Variants in COL25A1 observed in about 807,000 individuals in gnomAD.
The protein encoded by COL25A1 is collagen alpha-1(XXV) chain.
COL25A1 carries 103 observed loss-of-function variants against 128.4 expected under a neutral mutation model. That is an observed-to-expected ratio of 0.80 (90% CI 0.68 to 0.94). The LOEUF is 0.94. Ranked by LOEUF, COL25A1 falls within the 40% of genes least tolerant of loss-of-function variation. The pLI is 0.00. For missense variants in COL25A1, 745 were observed against 840.0 expected (o/e 0.89, Z 1.40); for synonymous variants, 279 against 277.2 (o/e 1.01, Z -0.06).
At chr4:109,273,393 A>G (rs779696369) in intron 3 of COL25A1, among the ~76,000 whole-genome samples, 1 of 152,218 alleles carries the variant, frequency 6.6e-6, no homozygotes, top group Non-Finnish European at 1.5e-5. Context: ...AGTGCCATGC[A>G]GAGTCTTATA....
chr4:108,819,917 A>T (rs1292398531), intron 35 of COL25A1: 1 of 1,155,974 alleles, frequency 8.7e-7, no homozygotes, highest in Non-Finnish European at 1.1e-6. Context: ...ACAAGGGTTT[A>T]AATAAAAGAC....
chr4:109,082,976 T>C (rs1176496120), intron 3 of COL25A1, among the ~76,000 whole-genome samples: 2 of 152,162 alleles, frequency 1.3e-5, no homozygotes, highest in Non-Finnish European at 1.5e-5. Context: ...AGAAATATAA[T>C]ATGATGAGAG....
intron 3 of COL25A1, among the ~76,000 whole-genome samples, chr4:109,153,534 G>A (rs1372818658): frequency 2.6e-5 from 4 of 152,006 alleles, no homozygotes; most frequent in African/African-American, 7.3e-5. Flanking sequence ...TAATGCTGAC[G>A]CCTCCAAAGA....
intron 3 of COL25A1, among the ~76,000 whole-genome samples, chr4:109,255,548 C>T (rs1399995828): frequency 6.6e-6 from 1 of 152,120 alleles, no homozygotes; most frequent in Admixed American, 6.6e-5. Context: ...ATGGAAACCC[C>T]TTCCCTCCTC....
chr4:109,058,163 T>C (rs1761619428), intron 3 of COL25A1, among the ~76,000 whole-genome samples: 1 of 152,338 alleles, frequency 6.6e-6, no homozygotes, highest in Middle Eastern at 3.4e-3. Flanking sequence ...TAATGAGGTC[T>C]GATGTGGCAC....
At chr4:108,910,296 A>G (rs1254188782) in intron 13 of COL25A1, among the ~76,000 whole-genome samples, 2 of 152,168 alleles carry the variant, frequency 1.3e-5, no homozygotes, top group East Asian at 1.9e-4. Flanking sequence ...GAAAAATTCT[A>G]AAGGTCAATG....
chr4:109,268,628 A>G lies in COL25A1; in HGVS notation c.367+31955T>C, dbSNP rs538684474. ...AGACACGTGCAAATTTAAAACTATC[A>G]TTTATGAAAAAGATTACATGTCAAT... On this transcript the variant is annotated intron_variant, in intron 3 of 37. Transcript: ENST00000399132. Among the ~76,000 whole-genome samples, 6 of 152,340 alleles carry G rather than the reference A, an allele frequency of 3.9e-5. No homozygotes were observed. In the South Asian group the frequency reaches 1.2e-3, roughly 32 times the overall value.
chr4:108,939,698 TTAAA>T (rs1487250798), intron 10 of COL25A1, among the ~76,000 whole-genome samples: 2 of 152,198 alleles, frequency 1.3e-5, no homozygotes, highest in Non-Finnish European at 2.9e-5. Flanking sequence ...AAATAATTTG[TTAAA>T]TAAATACATT....
chr4:108,841,230 C>T (rs2125749738), intron 31 of COL25A1, among the ~76,000 whole-genome samples: 1 of 152,180 alleles, frequency 6.6e-6, no homozygotes, highest in Admixed American at 6.5e-5. Flanking sequence ...AATACCCCAC[C>T]CACTTCTAGA....
intron 3 of COL25A1, among the ~76,000 whole-genome samples, chr4:109,074,017 A>G (rs1207010351): frequency 6.6e-6 from 1 of 152,236 alleles, no homozygotes; most frequent in Non-Finnish European, 1.5e-5. Context: ...TTCGTGGAAG[A>G]CAATTTTTTG....
intron 3 of COL25A1, among the ~76,000 whole-genome samples, chr4:109,111,064 A>C (rs1766956754): frequency 6.6e-6 from 1 of 152,164 alleles, no homozygotes; most frequent in Non-Finnish European, 1.5e-5. Flanking sequence ...AGGCCCTTCA[A>C]AATCTTTCTC....
At position 108,809,120 on chromosome 4, in the gene COL25A1, T is replaced by C. The variant is rs1481137856; in HGVS notation, c.*4807A>G. The C allele has an allele frequency of 6.6e-6, 1 of 152,178 alleles. No individual in the cohort carries two copies. Among genetic ancestry groups the C allele is most frequent in the East Asian group, 1.9e-4 (1 of 5,198 alleles). The allele number at this position is 152,178 out of a possible 1,614,324, so 9.4% of individuals were successfully genotyped here. A position where few individuals can be genotyped will look rare whatever the true frequency, so the allele number is the denominator to read the frequency against. Reference sequence around the variant, plus strand: ...GATAAGACACAACACATTCTTAGAATAATCAATTGTATGAGACTGGCCCAC... The same window carrying C: ...GATAAGACACAACACATTCTTAGAACAATCAATTGTATGAGACTGGCCCAC... On this transcript the variant is annotated 3_prime_UTR_variant, in exon 38 of 38. Coordinates refer to ENST00000399132, the MANE Select transcript of COL25A1 (RefSeq NM_198721.4).
chr4:108,864,350 C>T (rs546655460), intron 20 of COL25A1, among the ~76,000 whole-genome samples: 2 of 152,282 alleles, frequency 1.3e-5, no homozygotes, highest in East Asian at 1.9e-4. Flanking sequence ...GCTCTGTAAT[C>T]TAGCATCTTA....
chr4:109,068,593 C>T (rs1328409090), intron 3 of COL25A1, among the ~76,000 whole-genome samples: 6 of 152,086 alleles, frequency 3.9e-5, no homozygotes, highest in African/African-American at 1.4e-4. Context: ...TAGTTTAAAA[C>T]ATAAAACCAG....
chr4:108,825,045 G>A (rs1199403592), intron 34 of COL25A1, 151 bp downstream of exon 34: 6 of 542,656 alleles, frequency 1.1e-5, no homozygotes, highest in East Asian at 3.0e-5. Context: ...AAACACTAGT[G>A]TATTTTATAT....
intron 5 of COL25A1, among the ~76,000 whole-genome samples, chr4:109,034,028 G>C (rs1759111184): frequency 6.6e-6 from 1 of 152,148 alleles, no homozygotes; most frequent in Non-Finnish European, 1.5e-5. Flanking sequence ...AGTAATTAAA[G>C]AGTAATATTA....
At chr4:108,844,341 G>T (rs774389079) in intron 30 of COL25A1, among the ~76,000 whole-genome samples, 178 bp downstream of exon 30, 4 of 152,184 alleles carry the variant, frequency 2.6e-5, no homozygotes, top group African/African-American at 9.7e-5. Context: ...ATATGTGTTT[G>T]GGAGAGTGAA....
intron 5 of COL25A1, chr4:109,021,880 T>C (rs1757797733): frequency 2.7e-6 from 1 of 375,764 alleles, no homozygotes; most frequent in African/African-American, 2.1e-5. Flanking sequence ...CTTACTAGGA[T>C]TGGGAAACCC....
intron 3 of COL25A1, among the ~76,000 whole-genome samples, chr4:109,287,880 C>A (rs1352124689): frequency 6.6e-6 from 1 of 152,146 alleles, no homozygotes; most frequent in Non-Finnish European, 1.5e-5. Context: ...AAAGCAAGAT[C>A]AAACAAGGCA....
Sources: allele counts gnomAD v4.1 joint callset (sites outside exome capture counted in the v4.1 genomes callset), GRCh38; gene constraint gnomAD v4.1.1; transcripts MANE v1.5; gene names NCBI Gene and HGNC (gene_info 2026-07-23, HGNC 2026-07-21).